The following CHM variants were observed in gnomAD, a reference collection of about 807,000 sequenced individuals.
CHM encodes rab proteins geranylgeranyltransferase component A 1.
Under a neutral mutation model 49.0 loss-of-function variants are expected in CHM, and 10 were observed. That is an observed-to-expected ratio of 0.20 (90% confidence interval 0.13 to 0.35). The LOEUF (loss-of-function observed/expected upper bound fraction) is 0.35. Among genes scored for constraint, CHM ranks in the 10% least tolerant of loss-of-function variants. The probability of loss-of-function intolerance (pLI) is 1.00; values close to 1 mark genes in which losing one functional copy is unlikely to be tolerated. For missense variants in CHM, 455 were observed against 478.4 expected, an observed-to-expected ratio of 0.95 and a Z score of 0.46; for synonymous variants, 184 against 167.5, an observed-to-expected ratio of 1.10 and a Z score of -0.76.
intron 13 of CHM, among the ~76,000 whole-genome samples, chrX:85,878,544 G>A (rs1159651223): frequency 9.0e-6 from 1 of 110,764 alleles, no homozygotes; most frequent in African/African-American, 3.3e-5. Context: ...ATTTTAATCT[G>A]TTAGTTGAAT....
intron 2 of CHM, among the ~76,000 whole-genome samples, chrX:85,987,564 T>A (rs1389396643): frequency 1.8e-5 from 2 of 111,836 alleles, no homozygotes; most frequent in Non-Finnish European, 3.8e-5. Flanking sequence ...AAAACATCCA[T>A]GAATCCAGGA....
At chrX:85,895,296 T>G (rs1270346960) in intron 11 of CHM, among the ~76,000 whole-genome samples, 1 of 97,189 alleles carries the variant, frequency 1.0e-5, no homozygotes, top group African/African-American at 3.8e-5. Flanking sequence ...TTACTACACC[T>G]GGCTATTTTT....
intron 8 of CHM, among the ~76,000 whole-genome samples, chrX:85,941,686 C>G (rs1414390497): frequency 9.0e-6 from 1 of 111,044 alleles, no homozygotes; most frequent in East Asian, 2.8e-4. Flanking sequence ...TTGTCTATGG[C>G]TACAAAAGGT....
At chrX:85,910,792 A>G (rs1165941963) in intron 9 of CHM, among the ~76,000 whole-genome samples, 1 of 108,877 alleles carries the variant, frequency 9.2e-6, no homozygotes, top group Non-Finnish European at 1.9e-5. Context: ...CATTTTTAAA[A>G]ATGCAATAAC....
intron 1 of CHM, 127 bp downstream of exon 1, chrX:86,047,357 A>G (rs1934689747): frequency 1.6e-6 from 1 of 610,546 alleles, no homozygotes; most frequent in Non-Finnish European, 2.7e-6. Flanking sequence ...GGACTACCTC[A>G]CTTCCTTTCA....
chrX:85,988,429 T>C (rs745783037), intron 2 of CHM, among the ~76,000 whole-genome samples: 16 of 111,771 alleles, frequency 1.4e-4, no homozygotes, highest in East Asian at 5.6e-4. Flanking sequence ...AGGATTCACC[T>C]TGAAAACTGG....
At chrX:85,879,790 T>C (rs1466386831) in intron 12 of CHM, among the ~76,000 whole-genome samples, 1 of 110,797 alleles carries the variant, frequency 9.0e-6, no homozygotes, top group Non-Finnish European at 1.9e-5. Context: ...TGACAGAAGT[T>C]CTTATGGTCC....
intron 2 of CHM, among the ~76,000 whole-genome samples, chrX:85,987,693 C>T (rs1266801893): frequency 1.8e-5 from 2 of 111,380 alleles, no homozygotes; most frequent in South Asian, 3.8e-4. Flanking sequence ...GCCACTGACC[C>T]CACAGGAATA....
chrX:86,022,131 A>G (rs948438344), intron 2 of CHM, among the ~76,000 whole-genome samples: 2 of 111,978 alleles, frequency 1.8e-5, no homozygotes, highest in African/African-American at 6.5e-5. Context: ...GAACATACTG[A>G]ACACTGCTGA....
At chrX:86,044,276 T>C (rs1356961416) in intron 1 of CHM, among the ~76,000 whole-genome samples, 2 of 112,017 alleles carry the variant, frequency 1.8e-5, no homozygotes, top group South Asian at 3.7e-4. Context: ...TGATGTAAGT[T>C]TGCATTTTAG....
At chrX:85,992,803 A>G (rs1258432057) in intron 2 of CHM, among the ~76,000 whole-genome samples, 1 of 112,456 alleles carries the variant, frequency 8.9e-6, no homozygotes, top group Admixed American at 9.4e-5. Context: ...AGAGAGCCCT[A>G]TGAATCTACA....
intron 2 of CHM, among the ~76,000 whole-genome samples, chrX:85,998,771 G>A (rs1932563893): frequency 9.0e-6 from 1 of 111,131 alleles, no homozygotes; most frequent in Admixed American, 9.6e-5. Flanking sequence ...TCTACTGAAT[G>A]AGTATGGCTT....
intron 3 of CHM, among the ~76,000 whole-genome samples, chrX:85,981,127 T>C (rs1362859129): frequency 9.3e-6 from 1 of 107,545 alleles, no homozygotes; most frequent in Non-Finnish European, 1.9e-5. Context: ...AAAATTATCA[T>C]CTTATATTTG....
In CHM at chrX:86,005,462, C is replaced by T. The variant is rs767126121; in HGVS notation, c.116+22029G>A. 4.5e-5 allele frequency among the ~76,000 whole-genome samples: 5 copies of T among 111,411 alleles called. No homozygotes were observed. In the South Asian group the frequency reaches 1.9e-3, roughly 42 times the overall value. On this transcript the variant is annotated intron_variant, in intron 2 of 14. Transcript: ENST00000357749. ...TCCACAAAAAACCCTTCAAAAAAATCAATGAATCCAGGGGCTGGTTTTTTG... is the reference window on the plus strand; with the variant it reads ...TCCACAAAAAACCCTTCAAAAAAATTAATGAATCCAGGGGCTGGTTTTTTG...
chrX:85,979,349 C>T (rs1931465198), intron 3 of CHM, among the ~76,000 whole-genome samples: 1 of 110,625 alleles, frequency 9.0e-6, no homozygotes, highest in South Asian at 3.8e-4. Context: ...GAAGGTTGGT[C>T]GCTAGTCATA....
chrX:85,929,683 T>C (rs2148192376), intron 8 of CHM, among the ~76,000 whole-genome samples: 1 of 111,990 alleles, frequency 8.9e-6, no homozygotes. Flanking sequence ...CTCCCTTAAC[T>C]TTTCATTTAA....
chrX:85,923,304 A>G (rs1470759886), intron 8 of CHM, among the ~76,000 whole-genome samples: 1 of 112,508 alleles, frequency 8.9e-6, no homozygotes, highest in East Asian at 2.8e-4. Context: ...AATGTTAAAT[A>G]CATCAACGCT....
chrX:85,980,050 A>T (rs1295401534), intron 3 of CHM, among the ~76,000 whole-genome samples: 1 of 111,766 alleles, frequency 8.9e-6, no homozygotes, highest in Admixed American at 9.5e-5. Context: ...CTGGAGTAAA[A>T]CAATCATTAA....
chrX:85,926,715 G>C (rs925167116), intron 8 of CHM, among the ~76,000 whole-genome samples: 6 of 111,938 alleles, frequency 5.4e-5, no homozygotes, highest in Non-Finnish European at 1.1e-4. Context: ...TAGAGGGTTA[G>C]GGGGCTAAGG....
Sources: gnomAD v4.1 joint callset for allele counts (sites outside exome capture counted in the v4.1 genomes callset) on GRCh38, gnomAD v4.1.1 for gene constraint, MANE v1.5 for transcripts, NCBI Gene and HGNC (gene_info 2026-07-23, HGNC 2026-07-21) for gene names.